RIMS1: variants seen among roughly 807,000 people sequenced by gnomAD.
RIMS1 encodes the protein regulating synaptic membrane exocytosis 1, also known as regulating synaptic membrane exocytosis protein 1.
In RIMS1, 83 loss-of-function variants were observed where a neutral mutation model predicts 214.1. The observed-to-expected ratio is 0.39, with a 90% confidence interval of 0.32 to 0.47. RIMS1 has a LOEUF of 0.47. Among genes scored for constraint, RIMS1 ranks in the 20% least tolerant of loss-of-function variants. RIMS1 has a pLI of 0.99. For synonymous variants in RIMS1, 793 were observed against 786.8 expected (o/e 1.01, Z -0.13); for missense variants, 2,050 against 2,161.8 (o/e 0.95, Z 1.03).
chr6:72,373,585 C>T (rs79161265), intron 29 of RIMS1, among the ~76,000 whole-genome samples: 2,063 of 152,290 alleles, frequency 0.014, 49 homozygotes, highest in African/African-American at 0.048. Flanking sequence ...GTAATTGATT[C>T]TGCTAAGGAT....
chr6:72,012,297 A>T (rs919523006), intron 2 of RIMS1, among the ~76,000 whole-genome samples: 3 of 151,840 alleles, frequency 2.0e-5, no homozygotes, highest in Non-Finnish European at 4.4e-5. Context: ...ACGTGGACAC[A>T]GGAAGGGGAA....
intron 6 of RIMS1, among the ~76,000 whole-genome samples, chr6:72,194,314 G>GT (rs147920590): frequency 0.27 from 40,326 of 151,856 alleles, 6,126 homozygotes; most frequent in Non-Finnish European, 0.34. Context: ...TAAAAGGACA[G>GT]TTTATCAGTT....
chr6:72,240,266 G>A (rs942619483), intron 9 of RIMS1, among the ~76,000 whole-genome samples: 6 of 152,108 alleles, frequency 3.9e-5, no homozygotes, highest in Non-Finnish European at 8.8e-5. Flanking sequence ...GATATTAAAA[G>A]TTATGCGTCC....
chr6:72,011,837 C>T (rs1015905237), intron 2 of RIMS1, among the ~76,000 whole-genome samples: 14 of 152,276 alleles, frequency 9.2e-5, no homozygotes, highest in African/African-American at 2.9e-4. Context: ...ACAACAGGTG[C>T]TGGAGAAGAT....
intron 4 of RIMS1, among the ~76,000 whole-genome samples, chr6:72,122,939 A>AT (rs1386490115): frequency 6.6e-6 from 1 of 151,566 alleles, no homozygotes; most frequent in African/African-American, 2.4e-5. Flanking sequence ...GGATTCATTG[A>AT]TTTTTTGAAG....
intron 6 of RIMS1, among the ~76,000 whole-genome samples, chr6:72,227,504 C>T (rs927691735): frequency 6.6e-6 from 1 of 151,902 alleles, no homozygotes. Flanking sequence ...CATATAACTG[C>T]TTTGTAGAGT....
At chr6:72,393,085 G>A (rs1365518917) in intron 31 of RIMS1, among the ~76,000 whole-genome samples, 50 of 131,602 alleles carry the variant, frequency 3.8e-4, no homozygotes, top group Admixed American at 3.9e-4. Context: ...TCACAGCATG[G>A]AAAAAAAAAA....
intron 4 of RIMS1, among the ~76,000 whole-genome samples, chr6:72,146,562 T>C (rs1263496419): frequency 1.3e-5 from 2 of 152,232 alleles, no homozygotes; most frequent in Non-Finnish European, 2.9e-5. Context: ...GTTGTGCTTT[T>C]ATTTCAGTGT....
intron 26 of RIMS1, among the ~76,000 whole-genome samples, chr6:72,293,261 G>A (rs946390366): frequency 5.3e-5 from 8 of 151,878 alleles, no homozygotes; most frequent in African/African-American, 1.7e-4. Context: ...TATTCATTTA[G>A]TGAATCATGA....
Position 72,096,999 on chromosome 6 carries a change from G to A in RIMS1, c.296G>A (p.Gly99Glu). 1 of 1,613,886 alleles carries A rather than the reference G, an allele frequency of 6.2e-7. No homozygotes were observed. The highest frequency in any genetic ancestry group is 2.2e-5 in the East Asian group (1 of 44,848). Residue 99 changes from glycine to glutamate, a missense_variant, in exon 3 of 34, where the codon GGG (glycine) becomes GAG (glutamate). By Grantham distance (98) the Gly-to-Glu change is moderately conservative. Transcript: ENST00000521978. ...ESYKEQVRKIGEEARRYQGEH... is the reference protein window; with the variant it reads ...ESYKEQVRKIEEEARRYQGEH... The stretch of plus-strand genomic sequence containing the variant: ...TATAAGGAACAAGTGAGAAAAATAG[G>A]GGAAGAAGCGCGGCGTTACCAGGGC...
chr6:72,107,292 A>G (rs1262954181), intron 4 of RIMS1, among the ~76,000 whole-genome samples: 2 of 152,200 alleles, frequency 1.3e-5, no homozygotes, highest in East Asian at 1.9e-4. Context: ...CAGGAGCGGT[A>G]GCTCACGCCT....
chr6:72,310,992 C>G (rs2095482126), intron 27 of RIMS1, among the ~76,000 whole-genome samples: 1 of 151,918 alleles, frequency 6.6e-6, no homozygotes, highest in African/African-American at 2.4e-5. Flanking sequence ...GAAAAGATGG[C>G]TTAAGTAAAG....
chr6:72,252,192 C>G (rs1013316682), intron 15 of RIMS1, among the ~76,000 whole-genome samples: 1 of 152,120 alleles, frequency 6.6e-6, no homozygotes, highest in African/African-American at 2.4e-5. Flanking sequence ...TTTTGGTAAT[C>G]TGGAACTAAA....
At chr6:72,057,179 AT>A (rs1826419625) in intron 2 of RIMS1, among the ~76,000 whole-genome samples, 1 of 152,314 alleles carries the variant, frequency 6.6e-6, no homozygotes, top group East Asian at 1.9e-4. Context: ...GTTAAAAAAA[AT>A]TCAAACTCAC....
At chr6:72,263,482 A>G in intron 19 of RIMS1, 5 of 982,938 alleles carry the variant, frequency 5.1e-6, no homozygotes, top group Non-Finnish European at 6.0e-6. Context: ...AAGCCAAGGC[A>G]GGAACTTGAA....
rs2031974821 is a variant in RIMS1, at chr6:72,097,052, G to A, written c.349G>A (p.Gly117Arg). The A allele has an allele frequency of 6.2e-7, 1 of 1,613,996 alleles. No homozygotes were observed. Among genetic ancestry groups the A allele is most frequent in the Non-Finnish European group, 8.5e-7 (1 of 1,179,882 alleles). Residue 117 changes from glycine (G) to arginine (R), a missense_variant, in exon 3 of 34, where the codon GGA (glycine) becomes AGA (arginine). Gly to Arg is a moderately radical substitution (Grantham distance 125). This residue lies in a region of RIMS1 where 882 missense variants were observed against 828.9 expected (regional missense o/e 1.06). Coordinates refer to ENST00000521978, the MANE Select transcript of RIMS1 (RefSeq NM_014989.7). ...GCACAAAGACGATGCTCCGACTTGTGGAATCTGTCATAAAACAAAGTTTGC... is the reference window on the plus strand; with the variant it reads ...GCACAAAGACGATGCTCCGACTTGTAGAATCTGTCATAAAACAAAGTTTGC... ...GEHKDDAPTC[G>R]ICHKTKFADG... is the part of the protein sequence containing the mutation.
At chr6:72,352,973 A>G (rs1027659083) in intron 29 of RIMS1, among the ~76,000 whole-genome samples, 8 of 141,208 alleles carry the variant, frequency 5.7e-5, no homozygotes, top group Non-Finnish European at 7.7e-5. Flanking sequence ...GAGAGTTTAC[A>G]TTCTTTTTTC....
chr6:72,128,051 TCTC>T (rs1372496263), intron 4 of RIMS1, among the ~76,000 whole-genome samples: 1 of 152,112 alleles, frequency 6.6e-6, no homozygotes, highest in Non-Finnish European at 1.5e-5. Flanking sequence ...AAAATAAGCT[TCTC>T]CTATCCTTAT....
chr6:72,243,889 T>C (rs747493028), intron 10 of RIMS1, among the ~76,000 whole-genome samples: 2 of 151,184 alleles, frequency 1.3e-5, no homozygotes, highest in Non-Finnish European at 3.0e-5. Context: ...AAGATTATAA[T>C]TGAATCAGAA....
Sources: allele counts gnomAD v4.1 joint callset (sites outside exome capture counted in the v4.1 genomes callset), GRCh38; gene constraint gnomAD v4.1.1; regional missense constraint gnomAD v4.1.1; transcripts MANE v1.5; gene names NCBI Gene and HGNC (gene_info 2026-07-23, HGNC 2026-07-21).